NELL1: variants seen among roughly 807,000 people sequenced by gnomAD.
NELL1 encodes neural EGFL like 1.
A neutral mutation model predicts 107.4 loss-of-function variants in NELL1; 76 were observed. The observed-to-expected ratio is 0.71, with a 90% CI of 0.59 to 0.86. NELL1 has a LOEUF of 0.86. Among genes scored for constraint, NELL1 ranks in the 40% least tolerant of loss-of-function variants. The probability of loss-of-function intolerance (pLI) is 0.00; values close to 1 mark genes in which losing one functional copy is unlikely to be tolerated. For synonymous variants in NELL1, 353 were observed against 341.2 expected (o/e 1.03, Z -0.38); for missense variants, 1,024 against 1,005.5 (o/e 1.02, Z -0.25).
At chr11:21,533,879 C>G (rs907722664) in intron 15 of NELL1, among the ~76,000 whole-genome samples, 5 of 152,102 alleles carry the variant, frequency 3.3e-5, no homozygotes, top group Non-Finnish European at 7.4e-5. Flanking sequence ...AATCTTATCT[C>G]AAAGCTTTGC....
In NELL1 at chr11:20,918,273, C is replaced by T; in HGVS notation, c.676+19C>T. On this transcript the variant is annotated intron_variant, in intron 6 of 19. Coordinates refer to ENST00000357134, the MANE Select transcript of NELL1 (RefSeq NM_006157.5). ...AATCACAGTAAGTAGCAACTTAAAG[C>T]ATTGTGATATATTATATAACTTGTT... The T allele has an allele frequency of 1.5e-6, 2 of 1,375,804 alleles. No individual in the cohort carries two copies. Among genetic ancestry groups the T allele is most frequent in the Non-Finnish European group, 2.1e-6 (2 of 964,858 alleles). 85.2% of individuals were successfully genotyped at this position (1,375,804 alleles called of 1,614,324 possible). A position where few individuals can be genotyped will look rare whatever the true frequency, so the allele number is the denominator to read the frequency against.
chr11:21,430,491 T>C (rs1233285800), intron 15 of NELL1, among the ~76,000 whole-genome samples: 1 of 152,156 alleles, frequency 6.6e-6, no homozygotes, highest in Non-Finnish European at 1.5e-5. Context: ...AATCTTTAAT[T>C]TGTTAGTTTA....
At chr11:20,745,194 C>A (rs528365190) in intron 2 of NELL1, among the ~76,000 whole-genome samples, 1 of 152,164 alleles carries the variant, frequency 6.6e-6, no homozygotes, top group African/African-American at 2.4e-5. Context: ...TGGAACAGAA[C>A]TTGTCACATA....
intron 2 of NELL1, among the ~76,000 whole-genome samples, chr11:20,762,271 G>A (rs1856437743): frequency 6.6e-6 from 1 of 152,214 alleles, no homozygotes; most frequent in African/African-American, 2.4e-5. Flanking sequence ...CAGGAGAGAT[G>A]AGAGAACACA....
At chr11:20,788,330 G>A (rs1353759138) in intron 3 of NELL1, among the ~76,000 whole-genome samples, 1 of 152,180 alleles carries the variant, frequency 6.6e-6, no homozygotes, top group Non-Finnish European at 1.5e-5. Context: ...CAGCGTTTGA[G>A]GGTTTCGATT....
At chr11:21,436,926 A>C (rs1390131797) in intron 15 of NELL1, among the ~76,000 whole-genome samples, 1 of 152,068 alleles carries the variant, frequency 6.6e-6, no homozygotes, top group Non-Finnish European at 1.5e-5. Flanking sequence ...CAGTTTTCAG[A>C]GTTACTCTTT....
At chr11:21,111,891 T>A (rs1286949827) in intron 12 of NELL1, among the ~76,000 whole-genome samples, 1 of 152,076 alleles carries the variant, frequency 6.6e-6, no homozygotes, top group East Asian at 1.9e-4. Flanking sequence ...GCCTCTCACT[T>A]GTTATGCCTA....
At chr11:21,473,817 T>A (rs1011026321) in intron 15 of NELL1, among the ~76,000 whole-genome samples, 17 of 152,218 alleles carry the variant, frequency 1.1e-4, no homozygotes, top group Admixed American at 2.6e-4. Flanking sequence ...GGGAATTGCA[T>A]AACTCCACTA....
chr11:20,953,383 G>A (rs924365571), intron 11 of NELL1, among the ~76,000 whole-genome samples: 2 of 152,148 alleles, frequency 1.3e-5, no homozygotes, highest in African/African-American at 2.4e-5. Context: ...GAATCATAAC[G>A]ATGTATGTCT....
At position 21,569,360 on chromosome 11, in the gene NELL1, C is replaced by T. The variant is rs377698824; in HGVS notation, c.1981-1404C>T. Among the ~76,000 whole-genome samples, 43 of 151,972 alleles carry T rather than the reference C, an allele frequency of 2.8e-4. No homozygotes were observed. The South Asian group carries it at 8.1e-3, about 29-fold the overall frequency. Reference sequence around the variant, plus strand: ...CATTTGAGAAATAGAGAGATACATTCGCATTCCACAAATTATCAGGATTAA... The same window carrying T: ...CATTTGAGAAATAGAGAGATACATTTGCATTCCACAAATTATCAGGATTAA... On this transcript the variant is annotated intron_variant, in intron 17 of 19. Transcript: ENST00000357134.
intron 14 of NELL1, among the ~76,000 whole-genome samples, chr11:21,327,344 A>T (rs1850169334): frequency 1.6e-5 from 2 of 127,194 alleles, no homozygotes; most frequent in South Asian, 2.7e-4. Flanking sequence ...TTAAAGTATA[A>T]AAAAAAAAAT....
intron 3 of NELL1, among the ~76,000 whole-genome samples, chr11:20,785,682 C>G (rs57532075): frequency 9.1e-4 from 138 of 152,308 alleles, no homozygotes; most frequent in African/African-American, 3.2e-3. Context: ...AGTTCCAGTT[C>G]TAGCTTTGTG....
rs967833926 is a variant in NELL1 at position 21,558,281 on chromosome 11, C to G, written c.1787-1908C>G. On this transcript the variant is annotated intron_variant, in intron 16 of 19. Transcript: ENST00000357134. ...AACAATATGGCCTCTTTGTGGATCT[C>G]CCGTTGCTTTTTAAAAAAAAATCAG... 2.0e-5 allele frequency among the ~76,000 whole-genome samples: 3 copies of G among 151,508 alleles called. No homozygotes were observed. The East Asian group carries it at 5.9e-4, about 30-fold the overall frequency.
At chr11:20,753,828 C>G (rs553930792) in intron 2 of NELL1, among the ~76,000 whole-genome samples, 1 of 152,208 alleles carries the variant, frequency 6.6e-6, no homozygotes, top group South Asian at 2.1e-4. Context: ...CAAAGTGGTC[C>G]CTAGGATCCC....
intron 13 of NELL1, among the ~76,000 whole-genome samples, chr11:21,207,732 A>G (rs1444233450): frequency 6.6e-6 from 1 of 152,166 alleles, no homozygotes; most frequent in Non-Finnish European, 1.5e-5. Context: ...TAGTCATGGT[A>G]TCATTGTCTG....
At chr11:20,671,651 T>C (rs892041957) in intron 1 of NELL1, among the ~76,000 whole-genome samples, 1 of 152,202 alleles carries the variant, frequency 6.6e-6, no homozygotes, top group Non-Finnish European at 1.5e-5. Context: ...ACAAACGATG[T>C]CTTGCTGGGT....
intron 4 of NELL1, 48 bp from the exon 5 acceptor site, chr11:20,885,396 T>A: frequency 8.1e-7 from 1 of 1,236,684 alleles, no homozygotes; most frequent in Admixed American, 1.7e-5. Flanking sequence ...CACCTTTTGG[T>A]TCTGCTTTGA....
chr11:20,715,347 A>G (rs1855224913), intron 2 of NELL1, among the ~76,000 whole-genome samples: 2 of 151,224 alleles, frequency 1.3e-5, no homozygotes, highest in Non-Finnish European at 2.9e-5. Flanking sequence ...CCTAAAATTT[A>G]TAATTTAATC....
At chr11:21,474,066 A>G (rs1161368130) in intron 15 of NELL1, among the ~76,000 whole-genome samples, 1 of 152,008 alleles carries the variant, frequency 6.6e-6, no homozygotes, top group African/African-American at 2.4e-5. Context: ...CACTGACACT[A>G]AGATGTGATC....
Sources: allele counts gnomAD v4.1 joint callset (sites outside exome capture counted in the v4.1 genomes callset), GRCh38; gene constraint gnomAD v4.1.1; transcripts MANE v1.5; gene names NCBI Gene and HGNC (gene_info 2026-07-23, HGNC 2026-07-21).